Variants in MYRIP observed in about 807,000 individuals in gnomAD.
The protein encoded by MYRIP is rab effector MyRIP.
A neutral mutation model predicts 98.0 loss-of-function variants in MYRIP; 49 were observed. That is an observed-to-expected ratio of 0.50 (90% CI 0.40 to 0.63). The LOEUF is 0.63. MYRIP is among the 30% of genes least tolerant of loss of function. MYRIP has a pLI of 0.00. For missense variants in MYRIP, 1,004 were observed against 1,058.2 expected (o/e 0.95, Z 0.71); for synonymous variants, 404 against 409.5 (o/e 0.99, Z 0.16).
Position 40,237,875 on chromosome 3 carries a change from C to CA in MYRIP, c.2100+3825dup, listed in dbSNP as rs1952865789. 3.9e-5 allele frequency among the ~76,000 whole-genome samples: 6 copies of CA among 152,362 alleles called. No homozygotes were observed. In the South Asian group the frequency reaches 1.2e-3, roughly 32 times the overall value. ...GTCAGTTCTCATAGCACACTTAAAACAAAGATATCCTGCCCTTTTATCTTT... is the reference window on the plus strand; with the variant it reads ...GTCAGTTCTCATAGCACACTTAAAACAAAAGATATCCTGCCCTTTTATCTTT... On this transcript the variant is annotated intron_variant, in intron 12 of 16. Coordinates refer to ENST00000302541, the MANE Select transcript of MYRIP (RefSeq NM_015460.4).
At chr3:39,984,534 TGTCCC>T (rs1945983720) in intron 2 of MYRIP, among the ~76,000 whole-genome samples, 1 of 152,232 alleles carries the variant, frequency 6.6e-6, no homozygotes, top group Non-Finnish European at 1.5e-5. Flanking sequence ...ATTTCATCCA[TGTCCC>T]TACAAAGGAC....
intron 2 of MYRIP, among the ~76,000 whole-genome samples, chr3:40,001,683 G>A (rs987853425): frequency 1.3e-5 from 2 of 152,208 alleles, no homozygotes; most frequent in Admixed American, 6.5e-5. Context: ...TTGCAAGGGT[G>A]TAAGCCTGGA....
At chr3:39,915,370 T>A (rs1944129077) in intron 2 of MYRIP, among the ~76,000 whole-genome samples, 1 of 152,056 alleles carries the variant, frequency 6.6e-6, no homozygotes, top group South Asian at 2.1e-4. Context: ...ACATCAGTTG[T>A]CTCCATTTAA....
At chr3:40,186,071 G>A (rs1951027728) in intron 9 of MYRIP, among the ~76,000 whole-genome samples, 1 of 152,176 alleles carries the variant, frequency 6.6e-6, no homozygotes, top group Non-Finnish European at 1.5e-5. Context: ...TAGTTTGAGT[G>A]TTAAGAAATG....
intron 2 of MYRIP, among the ~76,000 whole-genome samples, chr3:39,933,697 A>G (rs537473757): frequency 4.6e-5 from 7 of 152,370 alleles, no homozygotes; most frequent in African/African-American, 1.7e-4. Context: ...CAAACTTTGC[A>G]AAATATTATT....
At chr3:40,108,099 G>C (rs750163453) in intron 3 of MYRIP, among the ~76,000 whole-genome samples, 1 of 151,658 alleles carries the variant, frequency 6.6e-6, no homozygotes, top group Non-Finnish European at 1.5e-5. Context: ...CAGAGGACAT[G>C]AAGTCATAAC....
chr3:40,007,129 A>G (rs563095168), intron 2 of MYRIP, among the ~76,000 whole-genome samples: 1 of 152,290 alleles, frequency 6.6e-6, no homozygotes, highest in Non-Finnish European at 1.5e-5. Context: ...AGTAACTTAT[A>G]TTGGTTTAGT....
At chr3:40,207,605 G>A (rs1951819939) in intron 10 of MYRIP, among the ~76,000 whole-genome samples, 2 of 152,120 alleles carry the variant, frequency 1.3e-5, no homozygotes, top group Non-Finnish European at 2.9e-5. Context: ...AAGTAAAATT[G>A]ATACACAAAC....
intron 2 of MYRIP, among the ~76,000 whole-genome samples, chr3:39,962,092 C>G (rs1945337869): frequency 6.6e-6 from 1 of 152,104 alleles, no homozygotes; most frequent in African/African-American, 2.4e-5. Flanking sequence ...TGGATTCAAA[C>G]TGAAGATTAG....
chr3:40,154,398 G>A (rs976757001), intron 4 of MYRIP, among the ~76,000 whole-genome samples: 1 of 152,132 alleles, frequency 6.6e-6, no homozygotes. Flanking sequence ...TTAAGAGTTG[G>A]GGGTGATGAA....
intron 2 of MYRIP, among the ~76,000 whole-genome samples, chr3:39,945,484 A>G (rs1944879803): frequency 7.6e-6 from 1 of 131,876 alleles, no homozygotes; most frequent in Admixed American, 7.1e-5. Flanking sequence ...CTCAAAAAAA[A>G]AAAAAAAGAA....
intron 1 of MYRIP, among the ~76,000 whole-genome samples, chr3:39,844,204 T>C (rs1375940198): frequency 6.6e-6 from 1 of 152,196 alleles, no homozygotes; most frequent in Non-Finnish European, 1.5e-5. Context: ...TGTTAGCTAC[T>C]GCCCACAAAT....
intron 1 of MYRIP, among the ~76,000 whole-genome samples, chr3:39,826,307 G>A (rs13086375): frequency 0.29 from 44,525 of 151,644 alleles, 6,734 homozygotes; most frequent in South Asian, 0.36. Flanking sequence ...TTATTGCTAT[G>A]AACTTGAGTC....
At position 40,026,799 on chromosome 3, in the gene MYRIP, C is replaced by T. The variant is rs138443593; in HGVS notation, c.111-17251C>T. Among the ~76,000 whole-genome samples the T allele has an allele frequency of 1.3e-3, 197 of 152,294 alleles. 2 individuals are homozygous for T. Among genetic ancestry groups the T allele is most frequent in the Non-Finnish European group, 8.4e-4 (57 of 68,018 alleles). ...TCCAGTGGATATATCACTGTCCTCA[C>T]AGCAAATAGCCATCCACTCTCCCCT... On this transcript the variant is annotated intron_variant, in intron 2 of 16. Coordinates refer to ENST00000302541, the MANE Select transcript of MYRIP (RefSeq NM_015460.4).
intron 12 of MYRIP, among the ~76,000 whole-genome samples, chr3:40,240,857 A>G (rs1952988381): frequency 6.6e-6 from 1 of 152,116 alleles, no homozygotes; most frequent in South Asian, 2.1e-4. Context: ...GAGTTTCATG[A>G]AAGGGGCTGT....
intron 1 of MYRIP, among the ~76,000 whole-genome samples, chr3:39,888,690 A>C (rs1339299449): frequency 1.3e-5 from 2 of 152,182 alleles, no homozygotes; most frequent in East Asian, 3.8e-4. Context: ...GGATCTAATT[A>C]AACTAAAGAA....
intron 2 of MYRIP, among the ~76,000 whole-genome samples, chr3:39,996,628 A>T (rs1321957596): frequency 1.3e-5 from 2 of 152,196 alleles, no homozygotes; most frequent in Admixed American, 6.5e-5. Flanking sequence ...GATCAACGAG[A>T]CAGAAACTTA....
chr3:39,890,267 C>T (rs1331405699), intron 1 of MYRIP, among the ~76,000 whole-genome samples: 1 of 151,994 alleles, frequency 6.6e-6, no homozygotes, highest in Non-Finnish European at 1.5e-5. Flanking sequence ...TTTCTCACTT[C>T]TCGTGCATGC....
At chr3:39,894,056 T>C (rs908393919) in intron 1 of MYRIP, among the ~76,000 whole-genome samples, 2 of 152,192 alleles carry the variant, frequency 1.3e-5, no homozygotes, top group African/African-American at 2.4e-5. Context: ...TCATACGAAA[T>C]TTTATCACTC....
Sources: gnomAD v4.1 joint callset for allele counts (sites outside exome capture counted in the v4.1 genomes callset) on GRCh38, gnomAD v4.1.1 for gene constraint, MANE v1.5 for transcripts, NCBI Gene and HGNC (gene_info 2026-07-23, HGNC 2026-07-21) for gene names.